Variants in PLA2G4C observed in about 807,000 individuals in gnomAD.
PLA2G4C encodes phospholipase A2 group IVC.
A neutral mutation model predicts 73.8 loss-of-function variants in PLA2G4C; 64 were observed. The observed-to-expected ratio is 0.87, with a 90% CI of 0.71 to 1.07. The LOEUF (loss-of-function observed/expected upper bound fraction) is 1.07. Among genes scored for constraint, PLA2G4C ranks in the 50% least tolerant of loss-of-function variants. The pLI is 0.00. For synonymous variants in PLA2G4C, 254 were observed against 252.1 expected, an observed-to-expected ratio of 1.01 and a Z score of -0.07; for missense variants, 622 against 665.4, an observed-to-expected ratio of 0.93 and a Z score of 0.72.
In PLA2G4C at chr19:48,070,749, C is replaced by T. The variant is rs574856821; in HGVS notation, c.1007-2863G>A. Among the ~76,000 whole-genome samples the T allele has an allele frequency of 4.7e-5, 7 of 148,828 alleles. No individual in the cohort carries two copies. In the South Asian group the frequency reaches 6.6e-4, roughly 14 times the overall value. ...CACACACTGGGGCCTGTTGAGGGGG[C>T]GGTGGGAGGGAAAACATCAGGGTAA... On this transcript the variant is annotated intron_variant, in intron 12 of 16. Coordinates refer to ENST00000599921, the MANE Select transcript of PLA2G4C (RefSeq NM_003706.3).
At chr19:48,080,191 A>G (rs940786710) in intron 10 of PLA2G4C, among the ~76,000 whole-genome samples, 3 of 152,232 alleles carry the variant, frequency 2.0e-5, no homozygotes, top group Admixed American at 6.5e-5. Context: ...TTCTCAAAAG[A>G]AGATATTCCA....
intron 15 of PLA2G4C, among the ~76,000 whole-genome samples, chr19:48,053,364 C>CTTTTTTTTTTTT (rs1174332835): frequency 4.0e-5 from 4 of 100,626 alleles, no homozygotes; most frequent in East Asian, 2.6e-4. Context: ...GTCCTTTTTT[C>CTTTTTTTTTTTT]TTTTTTTTTT....
At chr19:48,064,169 C>T (rs1224938117) in intron 13 of PLA2G4C, among the ~76,000 whole-genome samples, 1 of 152,186 alleles carries the variant, frequency 6.6e-6, no homozygotes, top group Non-Finnish European at 1.5e-5. Flanking sequence ...TGGCTCACGC[C>T]TGTAATCCCA....
chr19:48,091,498 T>G (rs1002123814), intron 7 of PLA2G4C, among the ~76,000 whole-genome samples: 5 of 151,700 alleles, frequency 3.3e-5, no homozygotes, highest in African/African-American at 1.2e-4. Context: ...TGTCTTTTTC[T>G]TTTGTAAGAA....
intron 16 of PLA2G4C, among the ~76,000 whole-genome samples, chr19:48,051,283 C>T (rs1395231491): frequency 2.0e-5 from 3 of 152,156 alleles, no homozygotes; most frequent in Non-Finnish European, 2.9e-5. Flanking sequence ...CCATAACACT[C>T]GTTTCAGATT....
intron 13 of PLA2G4C, among the ~76,000 whole-genome samples, chr19:48,064,425 T>A (rs1178560668): frequency 1.1e-5 from 1 of 93,536 alleles, no homozygotes; most frequent in East Asian, 3.2e-4. Context: ...AGCAAAACTC[T>A]GTCTCAAAAA....
At chr19:48,075,532 ACT>A (rs563094479) in intron 11 of PLA2G4C, among the ~76,000 whole-genome samples, 1 of 151,168 alleles carries the variant, frequency 6.6e-6, no homozygotes, top group Non-Finnish European at 1.5e-5. Flanking sequence ...ATGATGTTCA[ACT>A]CTCTCTCTCT....
At chr19:48,068,748 G>C in intron 12 of PLA2G4C, among the ~76,000 whole-genome samples, 1 of 144,284 alleles carries the variant, frequency 6.9e-6, no homozygotes. Context: ...AAAAAAAAAA[G>C]AAAAAAAGGA....
At chr19:48,069,672 G>T (rs932719731) in intron 12 of PLA2G4C, among the ~76,000 whole-genome samples, 1 of 152,174 alleles carries the variant, frequency 6.6e-6, no homozygotes, top group Admixed American at 6.5e-5. Context: ...TGGCAAGAGA[G>T]CAAAGCTAGT....
At chr19:48,053,364 C>CTTTTTTTTTTTTT (rs1174332835) in intron 15 of PLA2G4C, among the ~76,000 whole-genome samples, 3 of 100,624 alleles carry the variant, frequency 3.0e-5, no homozygotes, top group Non-Finnish European at 4.0e-5. Flanking sequence ...GTCCTTTTTT[C>CTTTTTTTTTTTTT]TTTTTTTTTT....
chr19:48,097,833 G>A, intron 6 of PLA2G4C: 1 of 299,812 alleles, frequency 3.3e-6, no homozygotes, highest in Non-Finnish European at 6.1e-6. Context: ...TGCCCAGGGT[G>A]GTCTCCAACT....
intron 1 of PLA2G4C, among the ~76,000 whole-genome samples, chr19:48,107,579 T>A (rs759434874): frequency 2.6e-4 from 39 of 152,230 alleles, no homozygotes; most frequent in Non-Finnish European, 4.4e-4. Flanking sequence ...GTCTAGCGGT[T>A]GCGTCAGTGC....
At chr19:48,052,950 T>C in intron 16 of PLA2G4C, 47 bp downstream of exon 16, 1 of 1,563,450 alleles carries the variant, frequency 6.4e-7, no homozygotes, top group Non-Finnish European at 8.7e-7. Context: ...CAACAGATAC[T>C]TACTGAACGA....
chr19:48,107,546 T>C (rs372535), intron 1 of PLA2G4C, among the ~76,000 whole-genome samples: 23,539 of 152,062 alleles, frequency 0.15, 2,100 homozygotes, highest in African/African-American at 0.24. Context: ...TCTGGGAAGA[T>C]GCCCATTGCC....
intron 13 of PLA2G4C, among the ~76,000 whole-genome samples, chr19:48,062,641 T>C (rs989434141): frequency 6.6e-6 from 1 of 151,972 alleles, no homozygotes; most frequent in Non-Finnish European, 1.5e-5. Flanking sequence ...GACAAACACA[T>C]GTTGAAGCTC....
rs1006890369 is a variant in PLA2G4C at position 48,072,218 on chromosome 19, G to C, written c.1006+2549C>G. ...TTAAAAGAAAACTTTTTAAGGGATG[G>C]GGGTCTCACTCTGAGTGCAGTGGTG... On this transcript the variant is annotated intron_variant, in intron 12 of 16. Transcript: ENST00000599921. This position sits in a 1 kb window ranked among gnomAD's most constrained non-coding sequence, Gnocchi z 4.4. 6.6e-6 allele frequency: 1 copy of C among 152,076 alleles called. No homozygotes were observed. Among genetic ancestry groups the C allele is most frequent in the African/African-American group, 2.4e-5 (1 of 41,398 alleles). 9.4% of individuals were successfully genotyped at this position (152,076 alleles called of 1,614,324 possible). A position where few individuals can be genotyped will look rare whatever the true frequency, so the allele number is the denominator to read the frequency against.
intron 4 of PLA2G4C, 89 bp downstream of exon 4, chr19:48,104,499 G>C (rs972948479): frequency 7.6e-6 from 10 of 1,312,278 alleles, no homozygotes; most frequent in Admixed American, 5.5e-5. Flanking sequence ...AAGCAGCGTT[G>C]GAAAAAACCA....
chr19:48,055,043 G>T lies in PLA2G4C; in HGVS notation c.1264C>A (p.Arg422=), dbSNP rs201093662. 3.2e-5 allele frequency: 52 copies of T among 1,605,064 alleles called. No homozygotes were observed. The highest frequency in any genetic ancestry group is 4.3e-5 in the Non-Finnish European group (50 of 1,176,348). Residue 422 remains arginine, a synonymous_variant, in exon 15 of 17, where the codon CGG becomes AGG. Transcript: ENST00000599921. ...FSAGDPFETI[R]ATTDYCRRHK... ...CGGCGGCAGTAGTCAGTGGTAGCCC[G>T]GATGGTCTGAGAAGGAGGCAATAAG...
chr19:48,086,424 A>G (rs1270476377), intron 9 of PLA2G4C, among the ~76,000 whole-genome samples: 1 of 152,080 alleles, frequency 6.6e-6, no homozygotes, highest in Non-Finnish European at 1.5e-5. Context: ...TGGGTCTGAA[A>G]ACCACCCCCA....
Sources: allele counts gnomAD v4.1 joint callset (sites outside exome capture counted in the v4.1 genomes callset), GRCh38; gene constraint gnomAD v4.1.1; non-coding constraint Gnocchi (gnomAD v3.1); transcripts MANE v1.5; gene names NCBI Gene and HGNC (gene_info 2026-07-23, HGNC 2026-07-21).